CDKAL1: variants seen among roughly 807,000 people sequenced by gnomAD.
CDKAL1 encodes the protein threonylcarbamoyladenosine tRNA methylthiotransferase.
A neutral mutation model predicts 68.2 loss-of-function variants in CDKAL1; 32 were observed. That is an observed-to-expected ratio of 0.47 (90% CI 0.35 to 0.63). The LOEUF is 0.63. Among genes scored for constraint, CDKAL1 ranks in the 30% least tolerant of loss-of-function variants. The pLI is 0.00. For missense variants in CDKAL1, 606 were observed against 696.7 expected (o/e 0.87, Z 1.47); for synonymous variants, 234 against 244.3 (o/e 0.96, Z 0.39).
At chr6:20,862,516 T>G (rs1327935049) in intron 9 of CDKAL1, among the ~76,000 whole-genome samples, 1 of 152,102 alleles carries the variant, frequency 6.6e-6, no homozygotes. Flanking sequence ...AATGAATTCT[T>G]ATTATTACTG....
At chr6:20,834,427 T>C (rs1777845949) in intron 8 of CDKAL1, among the ~76,000 whole-genome samples, 1 of 152,228 alleles carries the variant, frequency 6.6e-6, no homozygotes, top group Non-Finnish European at 1.5e-5. Context: ...CAATCTCATC[T>C]CCTATGGAAT....
intron 7 of CDKAL1, among the ~76,000 whole-genome samples, chr6:20,762,343 A>G (rs1260139818): frequency 6.6e-6 from 1 of 152,158 alleles, no homozygotes; most frequent in Admixed American, 6.5e-5. Flanking sequence ...AGAGGATGGG[A>G]AGTTTGATAA....
chr6:21,213,781 T>C (rs530946265), intron 15 of CDKAL1, among the ~76,000 whole-genome samples: 29 of 152,330 alleles, frequency 1.9e-4, no homozygotes, highest in Non-Finnish European at 3.4e-4. Context: ...ATTGTGTCTC[T>C]CTCCTCCTCA....
chr6:21,138,852 G>A (rs186328072), intron 13 of CDKAL1, among the ~76,000 whole-genome samples: 2 of 152,242 alleles, frequency 1.3e-5, no homozygotes, highest in East Asian at 3.9e-4. Flanking sequence ...TCCCACCCCG[G>A]AGAACACTGT....
At chr6:21,212,214 C>T (rs1308404246) in intron 15 of CDKAL1, among the ~76,000 whole-genome samples, 1 of 152,170 alleles carries the variant, frequency 6.6e-6, no homozygotes. Flanking sequence ...ATGAACTTGG[C>T]TCTCGGCGAT....
chr6:21,059,331 C>T (rs768220040), intron 11 of CDKAL1, among the ~76,000 whole-genome samples: 6 of 152,206 alleles, frequency 3.9e-5, no homozygotes, highest in South Asian at 2.1e-4. Context: ...TCTAGGAACT[C>T]GGTCATCTTA....
chr6:21,211,248 T>G (rs1211785768), intron 15 of CDKAL1, among the ~76,000 whole-genome samples: 1 of 152,192 alleles, frequency 6.6e-6, no homozygotes, highest in Admixed American at 6.5e-5. Flanking sequence ...ACTAAGAAGT[T>G]GTGGGCAGTT....
intron 2 of CDKAL1, among the ~76,000 whole-genome samples, chr6:20,541,665 CT>C (rs111616577): frequency 1.3e-3 from 190 of 145,362 alleles, no homozygotes; most frequent in Middle Eastern, 3.5e-3. Context: ...GATTGACAGT[CT>C]TTTTTTTTTT....
intron 4 of CDKAL1, chr6:20,558,804 T>C (rs992338561): frequency 1.2e-5 from 4 of 345,450 alleles, no homozygotes; most frequent in African/African-American, 4.3e-5. Context: ...GGAAGAAAAG[T>C]CGACATAAGA....
intron 9 of CDKAL1, among the ~76,000 whole-genome samples, chr6:20,878,367 C>T (rs1292641239): frequency 1.3e-5 from 2 of 152,212 alleles, no homozygotes; most frequent in Non-Finnish European, 2.9e-5. Flanking sequence ...GTCACAGAAC[C>T]TACCCTGCCT....
chr6:21,157,767 A>T (rs1364621773), intron 13 of CDKAL1, among the ~76,000 whole-genome samples: 1 of 152,222 alleles, frequency 6.6e-6, no homozygotes, highest in Non-Finnish European at 1.5e-5. Context: ...CAGCCTTGTT[A>T]TGGAAAACTG....
intron 5 of CDKAL1, among the ~76,000 whole-genome samples, chr6:20,727,339 C>T (rs4712537): frequency 6.6e-5 from 10 of 151,958 alleles, no homozygotes; most frequent in Non-Finnish European, 2.9e-5. Context: ...GGAATAAAAA[C>T]ATACATATAA....
intron 4 of CDKAL1, among the ~76,000 whole-genome samples, chr6:20,613,325 A>AGTGCAGT (rs1766732148): frequency 8.5e-6 from 1 of 118,336 alleles, no homozygotes; most frequent in Non-Finnish European, 1.6e-5. Context: ...CCCAGGCTAG[A>AGTGCAGT]GTGCAGTGGC....
chr6:20,744,480 G>T (rs1021043471), intron 6 of CDKAL1, among the ~76,000 whole-genome samples: 12 of 152,102 alleles, frequency 7.9e-5, no homozygotes, highest in African/African-American at 2.9e-4. Context: ...CCAGATCCCT[G>T]TCCTCACTGA....
chr6:21,066,480 C>T (rs1771446099), intron 12 of CDKAL1, among the ~76,000 whole-genome samples: 1 of 152,168 alleles, frequency 6.6e-6, no homozygotes, highest in African/African-American at 2.4e-5. Flanking sequence ...TTACATACAG[C>T]AAAATTCACT....
intron 5 of CDKAL1, among the ~76,000 whole-genome samples, chr6:20,663,102 C>T (rs1387426292): frequency 2.0e-5 from 3 of 152,070 alleles, no homozygotes; most frequent in Admixed American, 2.0e-4. Context: ...ACTGGATGTG[C>T]CGGCTGAGTC....
chr6:20,947,407 A>G (rs1251361389), intron 9 of CDKAL1, among the ~76,000 whole-genome samples: 2 of 152,138 alleles, frequency 1.3e-5, no homozygotes, highest in Non-Finnish European at 2.9e-5. Context: ...CCTGGGCAAC[A>G]TGGTGAAACC....
chr6:20,790,931 T>C (rs1271278965), intron 8 of CDKAL1, among the ~76,000 whole-genome samples: 1 of 151,992 alleles, frequency 6.6e-6, no homozygotes, highest in Non-Finnish European at 1.5e-5. Context: ...GGCACGACAG[T>C]GTAGAAAACC....
chr6:20,603,768 ATTTTTTTTTTTT>A (rs745786047), intron 4 of CDKAL1, among the ~76,000 whole-genome samples: 34 of 85,192 alleles, frequency 4.0e-4, no homozygotes, highest in East Asian at 8.6e-4. Flanking sequence ...CAGTTGCTAA[ATTTTTTTTTTTT>A]TTTTTTTTTT....
Sources: allele counts gnomAD v4.1 joint callset (sites outside exome capture counted in the v4.1 genomes callset), GRCh38; gene constraint gnomAD v4.1.1; transcripts MANE v1.5; gene names NCBI Gene and HGNC (gene_info 2026-07-23, HGNC 2026-07-21).